LILRB1: variants seen among roughly 807,000 people sequenced by gnomAD.
LILRB1 encodes leukocyte immunoglobulin-like receptor subfamily B member 1.
LILRB1 carries 59 observed loss-of-function variants against 74.6 expected under a neutral mutation model. That is an observed-to-expected ratio of 0.79 (90% CI 0.64 to 0.98). The LOEUF (loss-of-function observed/expected upper bound fraction) is 0.98, where lower values mean the gene tolerates loss of function less well. Among genes scored for constraint, LILRB1 ranks in the 50% least tolerant of loss-of-function variants. LILRB1 has a pLI of 0.00. For missense variants in LILRB1, 804 were observed against 822.6 expected, an observed-to-expected ratio of 0.98 and a Z score of 0.28; for synonymous variants, 328 against 333.9, an observed-to-expected ratio of 0.98 and a Z score of 0.19.
chr19:54,636,411 G>C (rs2064424322), intron 13 of LILRB1, 83 bp from the exon 14 acceptor site: 1 of 1,574,556 alleles, frequency 6.4e-7, no homozygotes, highest in Admixed American at 1.7e-5. Context: ...GATGTAATCG[G>C]ATCACCCGGG....
chr19:54,625,271 A>T (rs1282133878), intron 1 of LILRB1, among the ~76,000 whole-genome samples: 2 of 149,354 alleles, frequency 1.3e-5, no homozygotes, highest in African/African-American at 4.9e-5. Flanking sequence ...TTTCGCAGGA[A>T]GCAACAGAGG....
At chr19:54,620,686 A>G (rs1448871034) in intron 1 of LILRB1, among the ~76,000 whole-genome samples, 1 of 152,170 alleles carries the variant, frequency 6.6e-6, no homozygotes, top group Non-Finnish European at 1.5e-5. Flanking sequence ...CACCAAGTGC[A>G]GCATCCCAGA....
chr19:54,636,109 G>C (rs1448133019), intron 13 of LILRB1: 1 of 568,084 alleles, frequency 1.8e-6, no homozygotes, highest in South Asian at 1.6e-5. Flanking sequence ...AAAGGGCAGA[G>C]AGTGTGGGGC....
At chr19:54,625,539 A>T (rs943489431), upstream of LILRB1, among the ~76,000 whole-genome samples, 1 of 152,128 alleles carries the variant, frequency 6.6e-6, no homozygotes, top group African/African-American at 2.4e-5. Context: ...GTAAAGGGCC[A>T]AGACAGGGGT....
At chr19:54,631,914 C>T (rs369724045) in intron 4 of LILRB1, 21 bp from the exon 5 acceptor site, 68 of 1,610,364 alleles carry the variant, frequency 4.2e-5, no homozygotes, top group Middle Eastern at 1.6e-4. Flanking sequence ...ACATTTAACA[C>T]GGTGCCTCCT....
intron 1 of LILRB1, among the ~76,000 whole-genome samples, chr19:54,622,579 T>A (rs2063482731): frequency 6.6e-6 from 1 of 152,196 alleles, no homozygotes. Flanking sequence ...TGGAAGAATC[T>A]TCAGGGTTTT....
chr19:54,634,436 G>A (rs1049120597), intron 9 of LILRB1: 81 of 1,518,936 alleles, frequency 5.3e-5, no homozygotes, highest in Middle Eastern at 3.9e-4. Flanking sequence ...CAGCTCTGCC[G>A]CTTCCTGGCT....
rs367920583 is a variant in LILRB1 at position 54,633,406 on chromosome 19, G to A, written c.1261+88G>A. On this transcript the variant is annotated intron_variant, in intron 7 of 14. Transcript: ENST00000324602. Reference sequence around the variant, plus strand: ...AGCTCTGGGCTGGGATGGAGTGAGCGGGGGTCTGAGAGGGGCTCAGCCAGT... The same window carrying A: ...AGCTCTGGGCTGGGATGGAGTGAGCAGGGGTCTGAGAGGGGCTCAGCCAGT... 754 of 1,516,258 alleles carry A rather than the reference G, an allele frequency of 5.0e-4. 9 individuals are homozygous for A. In the Middle Eastern group the frequency reaches 8.9e-3, roughly 18 times the overall value. 93.9% of individuals were successfully genotyped at this position (1,516,258 alleles called of 1,614,324 possible). A position where few individuals can be genotyped will look rare whatever the true frequency, so the allele number is the denominator to read the frequency against.
In LILRB1 at chr19:54,633,624, A is replaced by C. The variant is rs763572002; in HGVS notation, c.1262-14A>C. ...AGCCCCAGCTCCTCAGCCTCCTCTC[A>C]TTCTTTTACCCAGGACCGTCTGGGG... On this transcript the variant is annotated splice_polypyrimidine_tract_variant and intron_variant, in intron 7 of 14. Transcript: ENST00000324602. 1.2e-6 allele frequency: 2 copies of C among 1,611,308 alleles called. No homozygotes were observed. Among genetic ancestry groups the C allele is most frequent in the Non-Finnish European group, 1.7e-6 (2 of 1,178,890 alleles).
intron 1 of LILRB1, among the ~76,000 whole-genome samples, chr19:54,617,768 T>C (rs2063348277): frequency 6.6e-6 from 1 of 152,068 alleles, no homozygotes; most frequent in Non-Finnish European, 1.5e-5. Flanking sequence ...TTTAGGGTTA[T>C]TTAGCTGACA....
chr19:54,633,721 T>C (rs2064128164), intron 8 of LILRB1, 33 bp downstream of exon 8: 1 of 1,602,506 alleles, frequency 6.2e-7, no homozygotes, highest in African/African-American at 1.3e-5. Context: ...CTCAAGGGAG[T>C]GCGGCCTCCC....
At position 54,637,963 on chromosome 19, in the gene LILRB1, G is replaced by A. The variant is rs535892241; in HGVS notation, c.*1085G>A. 1.9e-3 allele frequency among the ~76,000 whole-genome samples: 286 copies of A among 151,990 alleles called. 1 individual carries two copies. The highest frequency in any genetic ancestry group is 6.3e-3 in the African/African-American group (261 of 41,328). On this transcript the variant is annotated 3_prime_UTR_variant, in exon 15 of 15. Coordinates refer to ENST00000324602, the MANE Select transcript of LILRB1 (RefSeq NM_001081637.3). ...ACTCATTTTAGATGTGTGTGTGTGT[G>A]TATATATATGTGTGTGTGTGTGAAA...
At chr19:54,620,827 A>G (rs755932562) in intron 1 of LILRB1, among the ~76,000 whole-genome samples, 1 of 152,202 alleles carries the variant, frequency 6.6e-6, no homozygotes, top group Non-Finnish European at 1.5e-5. Context: ...GCTGTTGTGA[A>G]TAGTGCTGCA....
chr19:54,633,095 T>G lies in LILRB1; in HGVS notation c.1038T>G (p.Cys346Trp), dbSNP rs1341024211. Reference sequence around the variant, plus strand: ...CAGGAGAGAACGTGACCCTGCTGTGTCAGTCACAGGGATGGATGCAAACTT... The same window carrying G: ...CAGGAGAGAACGTGACCCTGCTGTGGCAGTCACAGGGATGGATGCAAACTT... Reference protein sequence around the residue: ...VASGENVTLLCQSQGWMQTFL... With the variant: ...VASGENVTLLWQSQGWMQTFL... The change falls in exon 7 of 15, where the codon TGT becomes TGG. Residue 346 changes from cysteine to tryptophan, a missense_variant. Physicochemically the swap from Cys to Trp is radical, Grantham distance 215. Coordinates refer to ENST00000324602, the MANE Select transcript of LILRB1 (RefSeq NM_001081637.3). 1 of 1,614,268 alleles carries G rather than the reference T, an allele frequency of 6.2e-7. No individual in the cohort carries two copies.
chr19:54,632,285 G>T, intron 5 of LILRB1, 48 bp downstream of exon 5: 10 of 1,582,072 alleles, frequency 6.3e-6, no homozygotes, highest in Non-Finnish European at 8.6e-6. Flanking sequence ...CTCCAGGCAG[G>T]TGGGGAGCAG....
At chr19:54,629,524 A>G (rs2063698732), upstream of LILRB1, among the ~76,000 whole-genome samples, 6 of 151,988 alleles carry the variant, frequency 3.9e-5, no homozygotes, top group Admixed American at 3.9e-4. Context: ...ATCTATGAAC[A>G]CCCTGGTGTT....
chr19:54,623,002 T>C (rs1568565671), intron 1 of LILRB1, among the ~76,000 whole-genome samples: 1 of 152,224 alleles, frequency 6.6e-6, no homozygotes, highest in Non-Finnish European at 1.5e-5. Context: ...CTTTCATCCC[T>C]GGAATCAAGC....
Position 54,636,953 on chromosome 19 carries a change from T to TGGGG in LILRB1, c.*77_*78insGGGG. On this transcript the variant is annotated 3_prime_UTR_variant, in exon 15 of 15. Transcript: ENST00000324602. ...GAGCTGCCCCCCCAGTGGACACCATTGGACCCCACCCAGCCTGGATCTACC... is the reference window on the plus strand; with the variant it reads ...GAGCTGCCCCCCCAGTGGACACCATTGGGGGGACCCCACCCAGCCTGGATCTACC... 1.3e-6 allele frequency: 2 copies of TGGGG among 1,584,518 alleles called. No individual in the cohort carries two copies. The highest frequency in any genetic ancestry group is 1.7e-6 in the Non-Finnish European group (2 of 1,159,494).
chr19:54,634,227 G>C (rs900520719), intron 9 of LILRB1: 61 of 1,497,880 alleles, frequency 4.1e-5, no homozygotes, highest in Admixed American at 8.7e-5. Context: ...CCTCCTGGGA[G>C]AGGAGGCCTC....
Sources: gnomAD v4.1 joint callset for allele counts (sites outside exome capture counted in the v4.1 genomes callset) on GRCh38, gnomAD v4.1.1 for gene constraint, MANE v1.5 for transcripts, NCBI Gene and HGNC (gene_info 2026-07-23, HGNC 2026-07-21) for gene names.